SRRM4: variants seen among roughly 807,000 people sequenced by gnomAD.
SRRM4 encodes serine/arginine repetitive matrix 4.
Under a neutral mutation model 68.9 loss-of-function variants are expected in SRRM4, and 33 were observed. The ratio of observed to expected loss-of-function variants is 0.48; its 90% CI spans 0.36 to 0.64. SRRM4 has a LOEUF of 0.64. SRRM4 is among the 30% of genes least tolerant of loss of function. The probability of loss-of-function intolerance (pLI) is 0.00; values close to 1 mark genes in which losing one functional copy is unlikely to be tolerated. For missense variants in SRRM4, 817 were observed against 827.1 expected, an observed-to-expected ratio of 0.99 and a Z score of 0.15; for synonymous variants, 318 against 318.8, an observed-to-expected ratio of 1.00 and a Z score of 0.03.
rs35250419 is a variant in SRRM4 at position 118,998,268 on chromosome 12, C to CAAAAAAAAAAAAAAAAAAAAAAAAAA, written c.131+16261_131+16286dup. On this transcript the variant is annotated intron_variant, in intron 1 of 12. Transcript: ENST00000267260. Reference sequence around the variant, plus strand: ...AACTGAGTGGATAAGAGCAATATGGCAAAAAAAAAAAAAAAAAAAAAAAAA... The same window carrying CAAAAAAAAAAAAAAAAAAAAAAAAAA: ...AACTGAGTGGATAAGAGCAATATGGCAAAAAAAAAAAAAAAAAAAAAAAAAAAAAAAAAAAAAAAAAAAAAAAAAAA... 1.4e-4 allele frequency among the ~76,000 whole-genome samples: 5 copies of CAAAAAAAAAAAAAAAAAAAAAAAAAA among 36,574 alleles called. 1 individual carries two copies. The highest frequency in any genetic ancestry group is 2.3e-4 in the African/African-American group (2 of 8,592). The allele number at this position is 36,574 out of a possible 152,430, so 24.0% of individuals were successfully genotyped here.
intron 1 of SRRM4, among the ~76,000 whole-genome samples, chr12:119,011,245 T>C (rs1304656910): frequency 6.6e-6 from 1 of 152,072 alleles, no homozygotes; most frequent in Non-Finnish European, 1.5e-5. Context: ...AAAAAACAAA[T>C]AAACAAAGTA....
At chr12:118,983,643 G>A (rs1953264129) in intron 1 of SRRM4, among the ~76,000 whole-genome samples, 1 of 152,084 alleles carries the variant, frequency 6.6e-6, no homozygotes, top group South Asian at 2.1e-4. Context: ...ATGGCATTTA[G>A]TCCAGAGTCT....
At chr12:119,076,604 G>A (rs571490874) in intron 1 of SRRM4, among the ~76,000 whole-genome samples, 2 of 152,292 alleles carry the variant, frequency 1.3e-5, no homozygotes, top group African/African-American at 2.4e-5. Context: ...TAATAAAAGC[G>A]TTTGAGGAGA....
rs199792769 is a variant in SRRM4 at position 119,145,680 on chromosome 12, G to A, written c.1071G>A (p.Glu357=). 42 of 1,519,264 alleles carry A rather than the reference G, an allele frequency of 2.8e-5. No homozygotes were observed. In the African/African-American group the frequency reaches 4.7e-4, roughly 17 times the overall value. 94.1% of individuals were successfully genotyped at this position (1,519,264 alleles called of 1,614,324 possible). A position where few individuals can be genotyped will look rare whatever the true frequency, so the allele number is the denominator to read the frequency against. Residue 357 remains glutamate (E), a synonymous_variant, in exon 9 of 13, where the codon GAG becomes GAA. Transcript: ENST00000267260. ...TCTCCCCCACCAGCAGGGGCAGAGAGTCAAGGTCAGTGCACCACACAGGGT... is the reference window on the plus strand; with the variant it reads ...TCTCCCCCACCAGCAGGGGCAGAGAATCAAGGTCAGTGCACCACACAGGGT... ...ENLSPTSRGR[E]SRGFQSPCLE...
intron 1 of SRRM4, among the ~76,000 whole-genome samples, chr12:119,016,826 T>C (rs989032030): frequency 1.3e-5 from 2 of 152,230 alleles, no homozygotes; most frequent in Admixed American, 6.5e-5. Context: ...CAGGGTAGCA[T>C]ACTGCAGACA....
intron 1 of SRRM4, among the ~76,000 whole-genome samples, chr12:119,057,750 AGAGCTTT>A (rs1953786137): frequency 6.6e-6 from 1 of 152,222 alleles, no homozygotes; most frequent in South Asian, 2.1e-4. Context: ...TTCTGTTTCT[AGAGCTTT>A]GAGGAATCAC....
intron 8 of SRRM4, among the ~76,000 whole-genome samples, chr12:119,131,461 G>A (rs1954296888): frequency 6.6e-6 from 1 of 152,180 alleles, no homozygotes; most frequent in African/African-American, 2.4e-5. Context: ...GAGAGGTTAA[G>A]GGCTGGGGTA....
chr12:119,154,483 G>C lies in SRRM4; in HGVS notation c.1532+100G>C. ...CTCTCCCTAGGCCTCCTTGGGGCTG[G>C]GATTTAGGATTGTGCGAGCTTATGG... is the stretch of plus-strand genomic sequence containing the variant. On this transcript the variant is annotated intron_variant, in intron 12 of 12. Transcript: ENST00000267260. This position sits in a 1 kb window ranked among gnomAD's most constrained non-coding sequence, Gnocchi z 4.7. 7.3e-7 allele frequency: 1 copy of C among 1,366,258 alleles called. No homozygotes were observed. The allele number at this position is 1,366,258 out of a possible 1,614,324, so 84.6% of individuals were successfully genotyped here. A position where few individuals can be genotyped will look rare whatever the true frequency, so the allele number is the denominator to read the frequency against.
chr12:119,042,142 C>T (rs1953673762), intron 1 of SRRM4, among the ~76,000 whole-genome samples: 1 of 152,102 alleles, frequency 6.6e-6, no homozygotes, highest in Non-Finnish European at 1.5e-5. Flanking sequence ...GAGCTAGGAA[C>T]AAGAACTCAA....
chr12:119,079,366 G>A (rs1953934328), intron 1 of SRRM4, among the ~76,000 whole-genome samples: 1 of 152,122 alleles, frequency 6.6e-6, no homozygotes, highest in Non-Finnish European at 1.5e-5. Context: ...GACTCAGTGA[G>A]GTATGCTTTA....
At chr12:119,082,491 A>T (rs1244225877) in intron 1 of SRRM4, among the ~76,000 whole-genome samples, 1 of 152,154 alleles carries the variant, frequency 6.6e-6, no homozygotes, top group East Asian at 1.9e-4. Flanking sequence ...CCTTCTTTTA[A>T]ATTGCAACAA....
At chr12:119,003,261 CCCCCT>C (rs1223241162) in intron 1 of SRRM4, among the ~76,000 whole-genome samples, 1 of 151,630 alleles carries the variant, frequency 6.6e-6, no homozygotes, top group Non-Finnish European at 1.5e-5. Context: ...GCTCTCTCTA[CCCCCT>C]CCCCATCCCC....
chr12:119,038,699 C>T (rs1320809519), intron 1 of SRRM4, among the ~76,000 whole-genome samples: 1 of 152,164 alleles, frequency 6.6e-6, no homozygotes, highest in Non-Finnish European at 1.5e-5. Flanking sequence ...TCATGCTCCA[C>T]GTTTTTTCAT....
intron 1 of SRRM4, among the ~76,000 whole-genome samples, chr12:118,995,479 A>C (rs760719655): frequency 6.6e-6 from 1 of 152,242 alleles, no homozygotes; most frequent in African/African-American, 2.4e-5. Context: ...GCTCCATCCC[A>C]GTGCCACAGT....
At chr12:119,043,809 A>C (rs988095884) in intron 1 of SRRM4, among the ~76,000 whole-genome samples, 4 of 57,250 alleles carry the variant, frequency 7.0e-5, no homozygotes, top group East Asian at 2.4e-4. Flanking sequence ...CACACACACA[A>C]GTCTTGGGCA....
chr12:119,150,896 A>G, intron 9 of SRRM4, 121 bp from the exon 10 acceptor site: 1 of 853,794 alleles, frequency 1.2e-6, no homozygotes, highest in East Asian at 2.7e-5. Context: ...ATAGGATGGG[A>G]AAAGGGGCAA....
chr12:119,001,066 C>T (rs547694958), intron 1 of SRRM4: 1 of 152,202 alleles, frequency 6.6e-6, no homozygotes, highest in South Asian at 2.1e-4. Flanking sequence ...TCAGCTAAAA[C>T]AGATGAGCTC....
intron 1 of SRRM4, among the ~76,000 whole-genome samples, chr12:119,093,623 G>A (rs1214786498): frequency 2.6e-5 from 4 of 152,154 alleles, no homozygotes; most frequent in African/African-American, 9.7e-5. Context: ...TGGGCTGGAA[G>A]GAGAGATGAT....
rs191479356 is a variant in SRRM4, at chr12:118,986,443, A to G, written c.131+4430A>G. The stretch of plus-strand genomic sequence containing the variant: ...GCTGTGTTCACCCGGCACACGTGCT[A>G]TCTTAGAGAACGAGGTTGTGGTAGA... On this transcript the variant is annotated intron_variant, in intron 1 of 12. Transcript: ENST00000267260. Among the ~76,000 whole-genome samples the G allele has an allele frequency of 7.2e-5, 11 of 152,288 alleles. No homozygotes were observed. The East Asian group carries it at 1.4e-3, about 19-fold the overall frequency.
Sources: gnomAD v4.1 joint callset for allele counts (sites outside exome capture counted in the v4.1 genomes callset) on GRCh38, gnomAD v4.1.1 for gene constraint, Gnocchi (gnomAD v3.1) non-coding constraint, MANE v1.5 for transcripts, NCBI Gene and HGNC (gene_info 2026-07-23, HGNC 2026-07-21) for gene names.